KAT7: variants seen among roughly 807,000 people sequenced by gnomAD.
KAT7 encodes lysine acetyltransferase 7.
KAT7 carries 10 observed loss-of-function variants against 82.1 expected under a neutral mutation model. The observed-to-expected ratio is 0.12, with a 90% confidence interval of 0.08 to 0.21. The LOEUF is 0.21. KAT7 is among the 10% of genes least tolerant of loss of function. The probability of loss-of-function intolerance (pLI) is 1.00; values close to 1 mark genes in which losing one functional copy is unlikely to be tolerated. For missense variants in KAT7, 378 were observed against 760.9 expected (o/e 0.50, Z 5.92); for synonymous variants, 250 against 262.5 (o/e 0.95, Z 0.46).
Position 49,826,724 on chromosome 17 carries a change from G to A in KAT7, c.1659G>A (p.Val553=), listed in dbSNP as rs1382964850. Residue 553 remains valine, a synonymous_variant, in exon 14 of 15, where the codon GTG becomes GTA. Transcript: ENST00000259021. The part of the protein sequence containing the change: ...EISQETAVNP[V]DIVSTLQALQ... ...GTCAGGAGACGGCTGTGAATCCTGT[G>A]GACATTGTCAGCACTCTGCAAGCCC... 2 of 1,611,634 alleles carry A rather than the reference G, an allele frequency of 1.2e-6. No individual in the cohort carries two copies. Among genetic ancestry groups the A allele is most frequent in the Non-Finnish European group, 1.7e-6 (2 of 1,179,504 alleles).
rs867235263 is a variant in KAT7, at chr17:49,796,616, T to C, written c.164-134T>C. ...TTTGCTTATATTTTATTTAATTAAA[T>C]AGATATTTTAAGGATTTGTTGGATT... On this transcript the variant is annotated intron_variant, in intron 2 of 14. Coordinates refer to ENST00000259021, the MANE Select transcript of KAT7 (RefSeq NM_007067.5). 3.2e-6 allele frequency: 2 copies of C among 620,456 alleles called. 1 individual carries two copies. The highest frequency in any genetic ancestry group is 5.7e-5 in the East Asian group (2 of 34,894). The allele number at this position is 620,456 out of a possible 1,614,324, so 38.4% of individuals were successfully genotyped here. A position where few individuals can be genotyped will look rare whatever the true frequency, so the allele number is the denominator to read the frequency against.
At chr17:49,818,743 T>G (rs898241990) in intron 9 of KAT7, among the ~76,000 whole-genome samples, 1 of 2,320 alleles carries the variant, frequency 4.3e-4, no homozygotes, top group Non-Finnish European at 1.1e-3. Context: ...CTTTTTCTTG[T>G]TTTTTTTTTT....
intron 2 of KAT7, among the ~76,000 whole-genome samples, chr17:49,793,288 A>G (rs2073913140): frequency 6.6e-6 from 1 of 152,234 alleles, no homozygotes. Flanking sequence ...ATAGATATTA[A>G]TAGTTGTACC....
chr17:49,823,598 C>G (rs1280973436), intron 12 of KAT7: 1 of 262,434 alleles, frequency 3.8e-6, no homozygotes, highest in African/African-American at 2.2e-5. Context: ...GGCTTAAAAT[C>G]TGGTCCTTGA....
At chr17:49,815,230 G>A (rs566875971) in intron 7 of KAT7, 2 of 152,272 alleles carry the variant, frequency 1.3e-5, no homozygotes, top group African/African-American at 2.4e-5. Context: ...AGGGTAGCAC[G>A]CCTTTTGCAG....
At chr17:49,821,255 G>T in intron 9 of KAT7, 82 bp from the exon 10 acceptor site, 1 of 991,420 alleles carries the variant, frequency 1.0e-6, no homozygotes, top group South Asian at 1.4e-5. Flanking sequence ...AACCACATTT[G>T]ACCTGTCATT....
At chr17:49,790,443 C>T (rs907335369) in intron 1 of KAT7, among the ~76,000 whole-genome samples, 2 of 152,166 alleles carry the variant, frequency 1.3e-5, no homozygotes, top group African/African-American at 4.8e-5. Context: ...GTGATCCACC[C>T]GCCTCGGCCT....
chr17:49,791,589 C>T lies in KAT7; in HGVS notation c.16-297C>T, dbSNP rs533093088. On this transcript the variant is annotated intron_variant, in intron 1 of 14. Transcript: ENST00000259021. The stretch of plus-strand genomic sequence containing the variant: ...AGGAGAATCACTTGAACCCGGGAGG[C>T]GGAGGTTGCAGTGAGCCACGATTGC... Among the ~76,000 whole-genome samples, 801 of 152,290 alleles carry T rather than the reference C, an allele frequency of 5.3e-3. 3 individuals are homozygous for T. Among genetic ancestry groups the T allele is most frequent in the Non-Finnish European group, 9.2e-3 (627 of 68,010 alleles).
At chr17:49,819,762 T>A (rs2143963900) in intron 9 of KAT7, among the ~76,000 whole-genome samples, 1 of 152,348 alleles carries the variant, frequency 6.6e-6, no homozygotes, top group East Asian at 1.9e-4. Flanking sequence ...CTTCTGTTTC[T>A]GAACAAATAA....
rs1442347913 is a variant in KAT7 at position 49,829,886 on chromosome 17, T to G, written c.*2384T>G. 2.3e-5 allele frequency: 2 copies of G among 87,636 alleles called. No homozygotes were observed. Among genetic ancestry groups the G allele is most frequent in the East Asian group, 7.7e-4 (1 of 1,302 alleles). The allele number at this position is 87,636 out of a possible 1,614,324, so 5.4% of individuals were successfully genotyped here. On this transcript the variant is annotated 3_prime_UTR_variant, in exon 15 of 15. Coordinates refer to ENST00000259021, the MANE Select transcript of KAT7 (RefSeq NM_007067.5). ...CATGAGACTATCCCATTTCATTCCG[T>G]TTTTTTTTTTTTGAGTCAGAGTCTG...
chr17:49,822,478 G>C (rs1158135853), intron 11 of KAT7, among the ~76,000 whole-genome samples: 1 of 152,110 alleles, frequency 6.6e-6, no homozygotes, highest in Non-Finnish European at 1.5e-5. Flanking sequence ...TAATCCACTC[G>C]CCTTAGCCTC....
rs1897591976 is a variant in KAT7 at position 49,832,370 on chromosome 17, A to C, written c.*4868A>C. The C allele has an allele frequency of 6.6e-6, 1 of 152,260 alleles. No homozygotes were observed. The highest frequency in any genetic ancestry group is 2.4e-5 in the African/African-American group (1 of 41,458). 9.4% of individuals were successfully genotyped at this position (152,260 alleles called of 1,614,324 possible). A position where few individuals can be genotyped will look rare whatever the true frequency, so the allele number is the denominator to read the frequency against. ...TATAGTTCTGGGTGGGGTGGGTCAA[A>C]ACAAAGTCTCGAGCTGTACCAGGAT... On this transcript the variant is annotated 3_prime_UTR_variant, in exon 15 of 15. Transcript: ENST00000259021.
Position 49,788,830 on chromosome 17 carries a change from C to T in KAT7, c.-5C>T, listed in dbSNP as rs2073842319. The T allele has an allele frequency of 6.3e-7, 1 of 1,585,072 alleles. No individual in the cohort carries two copies. The highest frequency in any genetic ancestry group is 2.4e-5 in the East Asian group (1 of 42,418). ...ATCGGAACCGTCGGGCCGCAGCCGC[C>T]GGCAATGCCGCGAAGGAAGGTGAGA... On this transcript the variant is annotated 5_prime_UTR_variant, in exon 1 of 15. Coordinates refer to ENST00000259021, the MANE Select transcript of KAT7 (RefSeq NM_007067.5).
In KAT7 at chr17:49,788,759, G is replaced by C; in HGVS notation, c.-76G>C. 3 of 1,512,268 alleles carry C rather than the reference G, an allele frequency of 2.0e-6. No individual in the cohort carries two copies. The highest frequency in any genetic ancestry group is 2.7e-6 in the Non-Finnish European group (3 of 1,119,304). The allele number at this position is 1,512,268 out of a possible 1,614,324, so 93.7% of individuals were successfully genotyped here. A position where few individuals can be genotyped will look rare whatever the true frequency, so the allele number is the denominator to read the frequency against. Reference sequence around the variant, plus strand: ...TTGGGACTGATACAGAGGCCGCCACGGAGCCCGCCGGAGCCACCGTTCCTG... The same window carrying C: ...TTGGGACTGATACAGAGGCCGCCACCGAGCCCGCCGGAGCCACCGTTCCTG... On this transcript the variant is annotated 5_prime_UTR_variant, in exon 1 of 15. Coordinates refer to ENST00000259021, the MANE Select transcript of KAT7 (RefSeq NM_007067.5).
chr17:49,794,537 C>T (rs920834368), intron 2 of KAT7, among the ~76,000 whole-genome samples: 4 of 152,134 alleles, frequency 2.6e-5, no homozygotes, highest in African/African-American at 4.8e-5. Context: ...CTGCCCGCCT[C>T]GGCCTCCCAA....
chr17:49,796,889 T>G lies in KAT7; in HGVS notation c.303T>G (p.Gly101=). 1 of 1,614,182 alleles carries G rather than the reference T, an allele frequency of 6.2e-7. No homozygotes were observed. Among genetic ancestry groups the G allele is most frequent in the South Asian group, 1.1e-5 (1 of 91,082 alleles). ...CTCTTCGGCAGACTCGTTCATCTGG[T>G]TCAGAAACTGAGCAAGTGGTTGATT... ...KYPLRQTRSS[G]SETEQVVDFS... is the part of the protein sequence containing the mutation. The change falls in exon 3 of 15, where the codon GGT becomes GGG. Residue 101 remains glycine, a synonymous_variant. Transcript: ENST00000259021.
intron 4 of KAT7, 85 bp from the exon 5 acceptor site, chr17:49,805,278 C>T: frequency 1.1e-6 from 1 of 898,058 alleles, no homozygotes; most frequent in Non-Finnish European, 1.8e-6. Flanking sequence ...AATGATGTAG[C>T]AAAAAAACAG....
chr17:49,805,022 T>C (rs908809754), intron 4 of KAT7, among the ~76,000 whole-genome samples: 1 of 152,092 alleles, frequency 6.6e-6, no homozygotes, highest in Non-Finnish European at 1.5e-5. Flanking sequence ...TATAGGAGAG[T>C]TACATTCCAC....
intron 12 of KAT7, 47 bp from the exon 13 acceptor site, chr17:49,825,949 TAGGA>T (rs1321296820): frequency 1.3e-6 from 2 of 1,556,196 alleles, no homozygotes; most frequent in Admixed American, 1.9e-5. Flanking sequence ...TTTTTGCTAT[TAGGA>T]TAAGATCGAG....
Sources: gnomAD v4.1 joint callset for allele counts (sites outside exome capture counted in the v4.1 genomes callset) on GRCh38, gnomAD v4.1.1 for gene constraint, MANE v1.5 for transcripts, NCBI Gene and HGNC (gene_info 2026-07-23, HGNC 2026-07-21) for gene names.